ATP6V0A4: variants seen among roughly 807,000 people sequenced by gnomAD.
ATP6V0A4 encodes ATPase H+ transporting V0 subunit a4, also known as V-type proton ATPase 116 kDa subunit a 4.
A neutral mutation model predicts 107.3 loss-of-function variants in ATP6V0A4; 86 were observed. That is an observed-to-expected ratio of 0.80 (90% CI 0.67 to 0.96). ATP6V0A4 has a LOEUF of 0.96. Among genes scored for constraint, ATP6V0A4 ranks in the 40% least tolerant of loss-of-function variants. The pLI is 0.00. For missense variants in ATP6V0A4, 908 were observed against 1,045.6 expected (o/e 0.87, Z 1.81); for synonymous variants, 353 against 381.4 (o/e 0.93, Z 0.87).
At position 138,783,298 on chromosome 7, in the gene ATP6V0A4, C is replaced by A. The variant is rs190540452; in HGVS notation, c.-18+2860G>T. Among the ~76,000 whole-genome samples, 16 of 151,690 alleles carry A rather than the reference C, an allele frequency of 1.1e-4. No individual in the cohort carries two copies. The East Asian group carries it at 3.1e-3, about 30-fold the overall frequency. ...AGAAAATGGGAACCATGGCTGCGTA[C>A]GGTGGCTCACACCTATAACCTCAGC... On this transcript the variant is annotated intron_variant, in intron 2 of 21. Transcript: ENST00000310018.
intron 17 of ATP6V0A4, among the ~76,000 whole-genome samples, chr7:138,730,939 A>AT (rs71169052): frequency 0.01 from 1,391 of 135,744 alleles, 38 homozygotes; most frequent in African/African-American, 0.036. Flanking sequence ...TTCTTTTTTT[A>AT]TTTTTTTTTT....
At chr7:138,796,258 TC>T (rs1808655689) in intron 1 of ATP6V0A4, among the ~76,000 whole-genome samples, 1 of 152,056 alleles carries the variant, frequency 6.6e-6, no homozygotes, top group Non-Finnish European at 1.5e-5. Context: ...TGTTTAATGT[TC>T]AACTAGTGGT....
intron 1 of ATP6V0A4, among the ~76,000 whole-genome samples, chr7:138,794,167 T>C (rs2130239660): frequency 6.6e-6 from 1 of 152,298 alleles, no homozygotes; most frequent in Admixed American, 6.5e-5. Context: ...GACATTATTT[T>C]GTAAAAACAG....
chr7:138,746,039 A>C (rs1805935951), intron 13 of ATP6V0A4, among the ~76,000 whole-genome samples: 1 of 142,120 alleles, frequency 7.0e-6, no homozygotes, highest in Non-Finnish European at 1.5e-5. Context: ...TATTTATAAT[A>C]TATATTATAT....
chr7:138,792,886 AGT>A, intron 1 of ATP6V0A4, among the ~76,000 whole-genome samples: 1 of 151,892 alleles, frequency 6.6e-6, no homozygotes, highest in South Asian at 2.1e-4. Flanking sequence ...GTTTTAGAAA[AGT>A]TGAAAGTAAT....
At chr7:138,721,821 C>T in intron 19 of ATP6V0A4, 76 bp downstream of exon 19, 8 of 1,572,886 alleles carry the variant, frequency 5.1e-6, no homozygotes, top group East Asian at 2.2e-5. Flanking sequence ...CAGACCCACC[C>T]AGCTCTACTG....
chr7:138,787,375 A>G lies in ATP6V0A4; in HGVS notation c.-120-1115T>C, dbSNP rs531636518. On this transcript the variant is annotated intron_variant, in intron 1 of 21. Coordinates refer to ENST00000310018, the MANE Select transcript of ATP6V0A4 (RefSeq NM_020632.3). ...CTTCTAGAAAGTCGCATCGACACCA[A>G]GGTTACATGACTCCTCCAAGGTCAC... 7.6e-4 allele frequency among the ~76,000 whole-genome samples: 115 copies of G among 152,272 alleles called. 1 individual carries two copies. The highest frequency in any genetic ancestry group is 3.4e-3 in the Middle Eastern group (1 of 294).
chr7:138,784,678 T>C (rs1808102587), intron 2 of ATP6V0A4, among the ~76,000 whole-genome samples: 1 of 152,162 alleles, frequency 6.6e-6, no homozygotes, highest in South Asian at 2.1e-4. Context: ...AAAATAATAT[T>C]TAAATTCAGC....
chr7:138,727,609 G>A (rs551195351), intron 18 of ATP6V0A4, among the ~76,000 whole-genome samples: 1 of 152,140 alleles, frequency 6.6e-6, no homozygotes, highest in African/African-American at 2.4e-5. Flanking sequence ...CTCAAGTCTC[G>A]TCATGTCTAG....
At chr7:138,784,255 T>TATATATATATACATATATATAC (rs1563020872) in intron 2 of ATP6V0A4, among the ~76,000 whole-genome samples, 8 of 28,868 alleles carry the variant, frequency 2.8e-4, no homozygotes, top group African/African-American at 1.2e-3. Flanking sequence ...TATATATACA[T>TATATATATATACATATATATAC]ATATATATAT....
chr7:138,777,053 G>A (rs1311099568), intron 2 of ATP6V0A4, among the ~76,000 whole-genome samples: 1 of 151,902 alleles, frequency 6.6e-6, no homozygotes, highest in East Asian at 1.9e-4. Flanking sequence ...GGAGGCTGAG[G>A]CACGAGAATC....
At chr7:138,739,450 G>A (rs567561016) in intron 15 of ATP6V0A4, 90 bp downstream of exon 15, 57 of 1,468,524 alleles carry the variant, frequency 3.9e-5, no homozygotes, top group Admixed American at 3.7e-4. Context: ...TTGTTGATTT[G>A]ACAGGCTTTG....
rs199650259 is a variant in ATP6V0A4, at chr7:138,721,956, G to A, written c.2080C>T (p.Arg694Cys). The change falls in exon 19 of 22, where the codon CGT becomes TGT. Residue 694 changes from arginine to cysteine, a missense_variant. Physicochemically the swap from Arg to Cys is radical, Grantham distance 180. Transcript: ENST00000310018. Reference sequence around the variant, plus strand: ...TCTGCAGAAGTCCTCTGGCCAGAACGGCTAGAAGGGCTGGAGCTATCACCT... The same window carrying A: ...TCTGCAGAAGTCCTCTGGCCAGAACAGCTAGAAGGGCTGGAGCTATCACCT... Reference protein sequence around the residue: ...IEGDSSSPSSRSGQRTSADTH... With the variant: ...IEGDSSSPSSCSGQRTSADTH... The A allele has an allele frequency of 5.1e-5, 82 of 1,614,140 alleles. No individual in the cohort carries two copies. In the Middle Eastern group the frequency reaches 6.6e-4, roughly 13 times the overall value.
chr7:138,707,553 C>T (rs113228116), intron 21 of ATP6V0A4, among the ~76,000 whole-genome samples: 15,155 of 148,960 alleles, frequency 0.1, 953 homozygotes, highest in Middle Eastern at 0.17. Flanking sequence ...AGATGCCCAC[C>T]ACCATGCCCA....
chr7:138,794,200 G>A (rs987023788), intron 1 of ATP6V0A4, among the ~76,000 whole-genome samples: 3 of 152,142 alleles, frequency 2.0e-5, no homozygotes, highest in African/African-American at 7.2e-5. Context: ...CCAGGAGCAA[G>A]AAGAGCCATC....
intron 2 of ATP6V0A4, among the ~76,000 whole-genome samples, chr7:138,775,968 T>G (rs761763398): frequency 3.3e-5 from 5 of 152,044 alleles, no homozygotes; most frequent in African/African-American, 4.8e-5. Context: ...ATTTTTTTAT[T>G]TTAATTTTTA....
At chr7:138,755,908 G>A (rs947615496) in intron 9 of ATP6V0A4, 126 bp from the exon 10 acceptor site, 20 of 1,513,304 alleles carry the variant, frequency 1.3e-5, no homozygotes, top group South Asian at 7.3e-5. Flanking sequence ...GAATAACTGC[G>A]TCTTTGGCCA....
At chr7:138,739,472 T>G (rs1323089045) in intron 15 of ATP6V0A4, 68 bp downstream of exon 15, 2 of 1,574,026 alleles carry the variant, frequency 1.3e-6, no homozygotes, top group Non-Finnish European at 1.7e-6. Flanking sequence ...TGGCCTTTTC[T>G]TCTCTCTCCA....
intron 17 of ATP6V0A4, among the ~76,000 whole-genome samples, chr7:138,729,997 C>T (rs1398993545): frequency 6.6e-6 from 1 of 152,182 alleles, no homozygotes; most frequent in Non-Finnish European, 1.5e-5. Context: ...GAGTTGCTTG[C>T]CTCAGCCTCC....
Sources: gnomAD v4.1 joint callset for allele counts (sites outside exome capture counted in the v4.1 genomes callset) on GRCh38, gnomAD v4.1.1 for gene constraint, MANE v1.5 for transcripts, NCBI Gene and HGNC (gene_info 2026-07-23, HGNC 2026-07-21) for gene names.